Variants in KLF12 observed in about 807,000 individuals in gnomAD.
KLF12 encodes KLF transcription factor 12, also known as Krueppel-like factor 12.
Under a neutral mutation model 37.8 loss-of-function variants are expected in KLF12, and 9 were observed. That is an observed-to-expected ratio of 0.24 (90% CI 0.14 to 0.42). KLF12 has a LOEUF of 0.42. Ranked by LOEUF, KLF12 falls within the 10% of genes least tolerant of loss-of-function variation. The pLI, the probability that KLF12 is intolerant of heterozygous loss-of-function variation, is 1.00. For missense variants in KLF12, 411 were observed against 516.0 expected (o/e 0.80, Z 1.97); for synonymous variants, 208 against 202.1 (o/e 1.03, Z -0.25).
chr13:73,815,689 C>T (rs150542378), intron 4 of KLF12, among the ~76,000 whole-genome samples: 26 of 152,260 alleles, frequency 1.7e-4, no homozygotes, highest in Admixed American at 5.2e-4. Flanking sequence ...TCATGCACTA[C>T]GATGCCTTTG....
chr13:73,860,214 T>C (rs1366964912), intron 3 of KLF12, among the ~76,000 whole-genome samples: 11 of 152,192 alleles, frequency 7.2e-5, no homozygotes, highest in Admixed American at 7.2e-4. Flanking sequence ...TGTACCAGAT[T>C]CCACCTGTTC....
At chr13:73,707,480 G>C (rs746409189) in intron 7 of KLF12, among the ~76,000 whole-genome samples, 3 of 152,118 alleles carry the variant, frequency 2.0e-5, no homozygotes, top group Non-Finnish European at 4.4e-5. Flanking sequence ...TGAGCTATTT[G>C]ATCAGGACTT....
At chr13:74,096,569 T>C (rs1203451797) in intron 1 of KLF12, among the ~76,000 whole-genome samples, 4 of 152,180 alleles carry the variant, frequency 2.6e-5, no homozygotes, top group Admixed American at 1.3e-4. Flanking sequence ...AACAATAACC[T>C]AGGGTTTCTT....
the KLF12 span, among the ~76,000 whole-genome samples, chr13:74,221,514 C>T: frequency 6.6e-6 from 1 of 151,562 alleles, no homozygotes; most frequent in Non-Finnish European, 1.5e-5. Flanking sequence ...ATCTAATTTC[C>T]TTAATATTAA....
In KLF12 at chr13:73,695,634, G is replaced by C; in HGVS notation, c.1065C>G (p.Thr355=). The change falls in exon 8 of 8, where the codon ACC becomes ACG. Residue 355 remains threonine (T), a synonymous_variant. Transcript: ENST00000377669. ...GTTCATCTGAACGAGCGAACTTCCAGGTGCAGCCTTCCCAGGTACACTTGT... is the reference window on the plus strand; with the variant it reads ...GTTCATCTGAACGAGCGAACTTCCACGTGCAGCCTTCCCAGGTACACTTGT... 6.2e-7 allele frequency: 1 copy of C among 1,614,080 alleles called. No individual in the cohort carries two copies. Among genetic ancestry groups the C allele is most frequent in the Middle Eastern group, 1.7e-4 (1 of 6,054 alleles).
chr13:73,724,733 T>C (rs1876531456), intron 6 of KLF12, among the ~76,000 whole-genome samples: 1 of 152,194 alleles, frequency 6.6e-6, no homozygotes, highest in African/African-American at 2.4e-5. Flanking sequence ...ATTTAGAAGA[T>C]GAGAAAACTA....
At chr13:74,102,350 G>A (rs916149961) in intron 1 of KLF12, among the ~76,000 whole-genome samples, 9 of 152,068 alleles carry the variant, frequency 5.9e-5, no homozygotes, top group African/African-American at 2.2e-4. Flanking sequence ...GGGGAAAATG[G>A]TGCCTTTGTG....
chr13:74,200,855 C>T, the KLF12 span, among the ~76,000 whole-genome samples: 10 of 152,136 alleles, frequency 6.6e-5, no homozygotes, highest in African/African-American at 2.4e-4. Flanking sequence ...TAGTATTGTC[C>T]TTACCAAGAT....
chr13:74,255,164 G>A, the KLF12 span, among the ~76,000 whole-genome samples: 109 of 152,152 alleles, frequency 7.2e-4, no homozygotes, highest in Non-Finnish European at 2.4e-4. Flanking sequence ...TTTAAGGAAG[G>A]GACCATTTTT....
chr13:74,078,138 G>A (rs996802068), intron 1 of KLF12, among the ~76,000 whole-genome samples: 2 of 152,186 alleles, frequency 1.3e-5, no homozygotes, highest in Non-Finnish European at 2.9e-5. Context: ...TTACTGAGGG[G>A]CATGGGAGTT....
At chr13:74,200,364 T>A in the KLF12 span, among the ~76,000 whole-genome samples, 1 of 152,084 alleles carries the variant, frequency 6.6e-6, no homozygotes, top group African/African-American at 2.4e-5. Context: ...GGGAACTTGA[T>A]GTTTCTGTGA....
At chr13:73,749,622 C>A (rs1265043762) in intron 6 of KLF12, among the ~76,000 whole-genome samples, 1 of 152,100 alleles carries the variant, frequency 6.6e-6, no homozygotes, top group Non-Finnish European at 1.5e-5. Flanking sequence ...CTAGGCAGAG[C>A]AAGCAAAGAG....
intron 3 of KLF12, among the ~76,000 whole-genome samples, chr13:73,860,472 C>T (rs955816868): frequency 3.9e-5 from 6 of 152,246 alleles, no homozygotes; most frequent in Admixed American, 2.0e-4. Context: ...CAGTGGCTCA[C>T]GCTTGTAATC....
intron 2 of KLF12, among the ~76,000 whole-genome samples, chr13:73,974,021 A>C (rs1891426661): frequency 6.6e-6 from 1 of 152,160 alleles, no homozygotes; most frequent in African/African-American, 2.4e-5. Flanking sequence ...AATATGACTA[A>C]AAATTGAATT....
chr13:74,092,605 CAG>C (rs1362555230), intron 1 of KLF12, among the ~76,000 whole-genome samples: 1 of 151,136 alleles, frequency 6.6e-6, no homozygotes, highest in Non-Finnish European at 1.5e-5. Flanking sequence ...GCCTCGGCAA[CAG>C]AGACTCCAAC....
chr13:74,005,759 A>T (rs1892395524), intron 1 of KLF12, among the ~76,000 whole-genome samples: 1 of 152,224 alleles, frequency 6.6e-6, no homozygotes, highest in Admixed American at 6.5e-5. Context: ...GATCTTTATA[A>T]ATGGCAATCT....
At chr13:73,797,802 T>C (rs533260251) in intron 5 of KLF12, among the ~76,000 whole-genome samples, 2 of 151,076 alleles carry the variant, frequency 1.3e-5, no homozygotes, top group South Asian at 2.1e-4. Context: ...AAGCATTACA[T>C]TTTTTAATCC....
chr13:74,058,449 G>A (rs1029947618), intron 1 of KLF12, among the ~76,000 whole-genome samples: 16 of 147,352 alleles, frequency 1.1e-4, no homozygotes, highest in African/African-American at 3.5e-4. Context: ...CTCCGCCTCC[G>A]GGTTCACGCC....
intron 1 of KLF12, among the ~76,000 whole-genome samples, chr13:74,077,221 A>G (rs1311612557): frequency 6.6e-6 from 1 of 152,166 alleles, no homozygotes; most frequent in Non-Finnish European, 1.5e-5. Context: ...AAAAATTGCC[A>G]CACTGCTTTC....
Sources: allele counts gnomAD v4.1 joint callset (sites outside exome capture counted in the v4.1 genomes callset), GRCh38; gene constraint gnomAD v4.1.1; transcripts MANE v1.5; gene names NCBI Gene and HGNC (gene_info 2026-07-23, HGNC 2026-07-21).